The following NTRK3 variants were observed in gnomAD, a reference collection of about 807,000 sequenced individuals.
NTRK3 encodes the protein neurotrophic receptor tyrosine kinase 3.
In NTRK3, 24 loss-of-function variants were observed where a neutral mutation model predicts 91.7. The ratio of observed to expected loss-of-function variants is 0.26; its 90% CI spans 0.19 to 0.37. The LOEUF (loss-of-function observed/expected upper bound fraction) is 0.37, where lower values mean the gene tolerates loss of function less well. Ranked by LOEUF, NTRK3 falls within the 10% of genes least tolerant of loss-of-function variation. NTRK3 has a pLI of 1.00. For missense variants in NTRK3, 880 were observed against 1,068.9 expected (o/e 0.82, Z 2.46); for synonymous variants, 483 against 404.0 (o/e 1.20, Z -2.34).
chr15:87,985,534 T>C (rs2074689316), intron 14 of NTRK3, among the ~76,000 whole-genome samples: 1 of 152,106 alleles, frequency 6.6e-6, no homozygotes, highest in Non-Finnish European at 1.5e-5. Flanking sequence ...CCAACTTCAG[T>C]ATGGGCCGCC....
chr15:88,147,342 G>C (rs201576544), exon 6 of NTRK3: 1 of 1,613,522 alleles, frequency 6.2e-7, no homozygotes, highest in Non-Finnish European at 8.5e-7. Context: ...TACAATTCCC[G>C]AAGACTCAGC....
intron 17 of NTRK3, among the ~76,000 whole-genome samples, chr15:87,910,446 G>A (rs997649170): frequency 5.3e-5 from 8 of 152,182 alleles, no homozygotes; most frequent in African/African-American, 1.2e-4. Context: ...GGTTGCTGAG[G>A]TGCTAGCACT....
chr15:88,019,851 CA>C, intron 14 of NTRK3, among the ~76,000 whole-genome samples: 1 of 152,306 alleles, frequency 6.6e-6, no homozygotes, highest in South Asian at 2.1e-4. Flanking sequence ...CGTCTTAAGC[CA>C]AGTGAGTCAG....
At chr15:87,979,197 G>T in intron 14 of NTRK3, 2 of 722,290 alleles carry the variant, frequency 2.8e-6, no homozygotes, top group Non-Finnish European at 5.0e-6. Flanking sequence ...CCATCTGGTG[G>T]TGTTAAAGGG....
At chr15:87,978,574 G>A (rs983159667) in intron 14 of NTRK3, 3 of 229,962 alleles carry the variant, frequency 1.3e-5, no homozygotes, top group Non-Finnish European at 1.7e-5. Context: ...AAAGCTTGTC[G>A]GAACTGCAGA....
At chr15:88,173,976 T>C (rs748099931) in intron 5 of NTRK3, among the ~76,000 whole-genome samples, 4 of 152,216 alleles carry the variant, frequency 2.6e-5, no homozygotes, top group African/African-American at 4.8e-5. Context: ...TGAAATGACA[T>C]ATAAAGTGCA....
chr15:87,966,968 C>T (rs904959320), intron 14 of NTRK3, among the ~76,000 whole-genome samples: 2 of 152,182 alleles, frequency 1.3e-5, no homozygotes, highest in African/African-American at 4.8e-5. Flanking sequence ...CCTCAGTTGT[C>T]ACAACCAAAA....
intron 17 of NTRK3, among the ~76,000 whole-genome samples, chr15:87,919,121 G>C (rs946435146): frequency 6.6e-6 from 1 of 151,018 alleles, no homozygotes; most frequent in Non-Finnish European, 1.5e-5. Flanking sequence ...GCCTCACACA[G>C]TGTAGAAGAA....
chr15:87,954,910 A>T (rs7170215), intron 14 of NTRK3, among the ~76,000 whole-genome samples: 76,988 of 152,054 alleles, frequency 0.51, 20,166 homozygotes, highest in African/African-American at 0.64. Flanking sequence ...ATGCACAAGT[A>T]GCACAATTCT....
At chr15:88,164,681 C>T (rs2044765640) in intron 5 of NTRK3, among the ~76,000 whole-genome samples, 4 of 152,130 alleles carry the variant, frequency 2.6e-5, no homozygotes, top group Admixed American at 2.6e-4. Context: ...TCTCTCCCCA[C>T]CCTGCCCCCA....
intron 13 of NTRK3, among the ~76,000 whole-genome samples, chr15:88,082,316 G>T (rs2150662280): frequency 6.6e-6 from 1 of 151,592 alleles, no homozygotes; most frequent in Non-Finnish European, 1.5e-5. Context: ...TGACCATGGT[G>T]CCCCCAGACT....
chr15:87,896,280 G>A (rs1304297473), intron 17 of NTRK3, among the ~76,000 whole-genome samples: 3 of 152,000 alleles, frequency 2.0e-5, no homozygotes, highest in Non-Finnish European at 2.9e-5. Flanking sequence ...AGATCATCCC[G>A]GCCAATATGG....
chr15:87,878,376 G>A (rs1331215965), intron 18 of NTRK3, among the ~76,000 whole-genome samples: 2 of 152,130 alleles, frequency 1.3e-5, no homozygotes, highest in Non-Finnish European at 2.9e-5. Context: ...GGGAGGGCTG[G>A]TCAAACCATC....
At position 88,033,414 on chromosome 15, in the gene NTRK3, G is replaced by C. The variant is rs1275772572; in HGVS notation, c.1397-369C>G. ...CAACCTCTACCTCCTGGACTCAAGCGATTCTCATGCCTCAGCCTCTCGAGT... is the reference window on the plus strand; with the variant it reads ...CAACCTCTACCTCCTGGACTCAAGCCATTCTCATGCCTCAGCCTCTCGAGT... On this transcript the variant is annotated intron_variant, in intron 13 of 18. Coordinates refer to ENST00000394480, the Ensembl canonical transcript of NTRK3. Among the ~76,000 whole-genome samples the C allele has an allele frequency of 2.6e-5, 4 of 150,980 alleles. No individual in the cohort carries two copies. The South Asian group carries it at 6.3e-4, about 24-fold the overall frequency.
At chr15:87,965,076 G>T (rs1394357190) in intron 14 of NTRK3, among the ~76,000 whole-genome samples, 3 of 152,138 alleles carry the variant, frequency 2.0e-5, no homozygotes, top group Non-Finnish European at 4.4e-5. Flanking sequence ...TTTAAAAAAA[G>T]GTAGCAAAGT....
chr15:88,187,873 G>A (rs1035675410), intron 3 of NTRK3, among the ~76,000 whole-genome samples: 3 of 151,308 alleles, frequency 2.0e-5, no homozygotes, highest in Admixed American at 1.3e-4. Context: ...GGCCGAGGCT[G>A]CAGTGAGCCG....
intron 17 of NTRK3, among the ~76,000 whole-genome samples, chr15:87,886,757 T>A (rs1165287077): frequency 1.4e-5 from 2 of 145,356 alleles, no homozygotes; most frequent in Non-Finnish European, 3.0e-5. Context: ...CACACATATA[T>A]ATATATATTT....
intron 3 of NTRK3, among the ~76,000 whole-genome samples, chr15:88,195,142 C>T (rs1453804963): frequency 1.3e-5 from 2 of 152,190 alleles, no homozygotes; most frequent in Non-Finnish European, 2.9e-5. Flanking sequence ...TATTAATCTC[C>T]TACAATGCAC....
At position 88,077,898 on chromosome 15, in the gene NTRK3, G is replaced by A. The variant is rs150838759; in HGVS notation, c.1397-44853C>T. 4.1e-3 allele frequency among the ~76,000 whole-genome samples: 632 copies of A among 152,312 alleles called. 3 individuals are homozygous for A. The highest frequency in any genetic ancestry group is 6.7e-3 in the Admixed American group (103 of 15,298). On this transcript the variant is annotated intron_variant, in intron 13 of 18. Transcript: ENST00000394480. ...CAATAACCACACAACACAGCCAACT[G>A]AGGACAGAGCAGTGTGGGCTGCAAA...
Sources: gnomAD v4.1 joint callset for allele counts (sites outside exome capture counted in the v4.1 genomes callset) on GRCh38, gnomAD v4.1.1 for gene constraint, MANE v1.5 for transcripts, NCBI Gene and HGNC (gene_info 2026-07-23, HGNC 2026-07-21) for gene names.